Variants in ITGB3 observed in about 807,000 individuals in gnomAD.
ITGB3 encodes integrin subunit beta 3, also known as integrin beta-3.
Under a neutral mutation model 85.8 loss-of-function variants are expected in ITGB3, and 48 were observed. The ratio of observed to expected loss-of-function variants is 0.56; its 90% CI spans 0.44 to 0.71. ITGB3 has a LOEUF of 0.71. ITGB3 is among the 30% of genes least tolerant of loss of function. The pLI is 0.00. For synonymous variants in ITGB3, 363 were observed against 395.6 expected (o/e 0.92, Z 0.98); for missense variants, 861 against 1,019.1 (o/e 0.84, Z 2.11).
chr17:47,292,187 G>GAGA lies in ITGB3; in HGVS notation c.1312_1314dup (p.Lys438dup). ...GGTGCGAGGCTGTCCCCAGGAGAAG[G>GAGA]AGAAGTCCTTTACCATAAAGCCCGT... On this transcript the variant is annotated inframe_insertion, in exon 10 of 15. Transcript: ENST00000559488. 1 of 1,614,202 alleles carries GAGA rather than the reference G, an allele frequency of 6.2e-7. No homozygotes were observed. Among genetic ancestry groups the GAGA allele is most frequent in the African/African-American group, 1.3e-5 (1 of 75,054 alleles).
chr17:47,287,678 G>GT (rs900678067), intron 6 of ITGB3, among the ~76,000 whole-genome samples: 5 of 152,204 alleles, frequency 3.3e-5, no homozygotes, highest in African/African-American at 1.2e-4. Flanking sequence ...GGAGGCTGAG[G>GT]TGGGAGGATC....
intron 2 of ITGB3, among the ~76,000 whole-genome samples, chr17:47,280,362 T>C (rs1270351905): frequency 6.6e-6 from 1 of 152,048 alleles, no homozygotes; most frequent in Admixed American, 6.6e-5. Context: ...TTTTTTGTTT[T>C]TGTTTTTGTT....
intron 4 of ITGB3, among the ~76,000 whole-genome samples, chr17:47,285,954 T>C (rs934595530): frequency 2.0e-4 from 30 of 152,194 alleles, no homozygotes; most frequent in Admixed American, 3.9e-4. Context: ...CCCTCTTTCA[T>C]AGGTTGGATT....
Position 47,312,903 on chromosome 17 carries a change from T to A in ITGB3, c.*2699T>A, listed in dbSNP as rs1010671036. 6.7e-6 allele frequency among the ~76,000 whole-genome samples: 1 copy of A among 149,162 alleles called. No homozygotes were observed. The highest frequency in any genetic ancestry group is 1.5e-5 in the Non-Finnish European group (1 of 68,010). ...GATCTGTGGACAATAACGGAAAACT[T>A]TGAATATTCCTGACAAGTTGCCATA... On this transcript the variant is annotated 3_prime_UTR_variant, in exon 15 of 15. Transcript: ENST00000559488.
chr17:47,277,050 A>C (rs1248421578), intron 2 of ITGB3, among the ~76,000 whole-genome samples: 1 of 152,138 alleles, frequency 6.6e-6, no homozygotes, highest in African/African-American at 2.4e-5. Context: ...GGGTAAGAGG[A>C]AAACAGCCAA....
intron 12 of ITGB3, among the ~76,000 whole-genome samples, chr17:47,302,409 T>C (rs763332761): frequency 2.0e-5 from 3 of 152,154 alleles, no homozygotes; most frequent in Non-Finnish European, 4.4e-5. Context: ...TCAGGTAACT[T>C]ACCCAAGATC....
chr17:47,300,503 G>T lies in ITGB3; in HGVS notation c.1939G>T (p.Asp647Tyr). Residue 647 changes from aspartate (D) to tyrosine (Y), a missense_variant, in exon 12 of 15, where the codon GAC becomes TAC. By Grantham distance (160) the Asp-to-Tyr change is radical. Transcript: ENST00000559488. ...AGAATGTGTGGAGTGTAAGAAGTTTGACCGGGGAGCCCTACATGACGAAAA... is the reference window on the plus strand; with the variant it reads ...AGAATGTGTGGAGTGTAAGAAGTTTTACCGGGGAGCCCTACATGACGAAAA... Reference protein sequence around the residue: ...KKECVECKKFDRGALHDENTC... With the variant: ...KKECVECKKFYRGALHDENTC... The T allele has an allele frequency of 1.2e-6, 2 of 1,614,048 alleles. No individual in the cohort carries two copies. The highest frequency in any genetic ancestry group is 1.1e-5 in the South Asian group (1 of 91,062).
At chr17:47,277,134 G>A (rs1233400079) in intron 2 of ITGB3, among the ~76,000 whole-genome samples, 1 of 152,114 alleles carries the variant, frequency 6.6e-6, no homozygotes, top group Non-Finnish European at 1.5e-5. Context: ...GACGCGGGTT[G>A]GGTTGCTGTG....
intron 2 of ITGB3, among the ~76,000 whole-genome samples, chr17:47,281,278 G>C (rs1418244695): frequency 6.6e-6 from 1 of 152,186 alleles, no homozygotes; most frequent in African/African-American, 2.4e-5. Context: ...GTTGAGGAGA[G>C]CCCGAAGGCC....
chr17:47,263,475 G>GCC (rs113192717), intron 1 of ITGB3, among the ~76,000 whole-genome samples: 4 of 85,444 alleles, frequency 4.7e-5, no homozygotes, highest in Admixed American at 1.2e-4. Flanking sequence ...GCTATTCCCC[G>GCC]CCCCCCCCAC....
At chr17:47,265,568 A>G (rs768041923) in intron 1 of ITGB3, among the ~76,000 whole-genome samples, 10 of 152,068 alleles carry the variant, frequency 6.6e-5, no homozygotes, top group Admixed American at 3.9e-4. Flanking sequence ...TCTCATAAGG[A>G]CATCAGTCAT....
chr17:47,287,118 A>G lies in ITGB3; in HGVS notation c.826A>G (p.Thr276Ala). Reference protein sequence around the residue: ...NDASHLLVFTTDAKTHIALDG... With the variant: ...NDASHLLVFTADAKTHIALDG... ...TGCATCCCACTTGCTGGTGTTTACC[A>G]CTGATGCCAAGACTCATATAGCATT... Residue 276 changes from threonine to alanine, a missense_variant, in exon 6 of 15, where the codon ACT (threonine) becomes GCT (alanine). Physicochemically the swap from Thr to Ala is moderately conservative, Grantham distance 58. Transcript: ENST00000559488. The G allele has an allele frequency of 6.2e-7, 1 of 1,614,064 alleles. No homozygotes were observed. The highest frequency in any genetic ancestry group is 1.7e-5 in the Admixed American group (1 of 60,032).
In ITGB3 at chr17:47,257,589, A is replaced by T. The variant is rs149497984; in HGVS notation, c.79+3649A>T. On this transcript the variant is annotated intron_variant, in intron 1 of 14. Coordinates refer to ENST00000559488, the MANE Select transcript of ITGB3 (RefSeq NM_000212.3). Reference sequence around the variant, plus strand: ...TGATGTGCCTCCCTTTAAGAAACCCAATATTTGAATATTTGCACTCATTCA... The same window carrying T: ...TGATGTGCCTCCCTTTAAGAAACCCTATATTTGAATATTTGCACTCATTCA... Among the ~76,000 whole-genome samples, 15 of 152,310 alleles carry T rather than the reference A, an allele frequency of 9.8e-5. No homozygotes were observed. In the East Asian group the frequency reaches 2.5e-3, roughly 25 times the overall value.
intron 1 of ITGB3, among the ~76,000 whole-genome samples, chr17:47,263,766 A>T (rs1427145203): frequency 6.6e-6 from 1 of 152,174 alleles, no homozygotes; most frequent in Non-Finnish European, 1.5e-5. Flanking sequence ...CTCAGATTAC[A>T]GTGTTAGCCA....
Position 47,307,540 on chromosome 17 carries a change from T to C in ITGB3, c.2204T>C (p.Leu735Pro), listed in dbSNP as rs1246078600. Residue 735 changes from leucine (L) to proline (P), a missense_variant, in exon 14 of 15, where the codon CTT becomes CCT. Coordinates refer to ENST00000559488, the MANE Select transcript of ITGB3 (RefSeq NM_000212.3). ...ATGGGGGCCATTCTGCTCATTGGCC[T>C]TGCCGCCCTGCTCATCTGGAAACTC... ...SVMGAILLIG[L>P]AALLIWKLLI... 2 of 1,614,152 alleles carry C rather than the reference T, an allele frequency of 1.2e-6. No individual in the cohort carries two copies. The highest frequency in any genetic ancestry group is 1.7e-5 in the Admixed American group (1 of 60,026).
chr17:47,255,686 C>G (rs1046842217), intron 1 of ITGB3, among the ~76,000 whole-genome samples: 13 of 152,174 alleles, frequency 8.5e-5, no homozygotes, highest in African/African-American at 3.1e-4. Context: ...TCCCAAAGTG[C>G]TGGGATTACA....
intron 13 of ITGB3, among the ~76,000 whole-genome samples, chr17:47,307,086 T>C (rs542213132): frequency 1.3e-5 from 2 of 152,206 alleles, no homozygotes; most frequent in Non-Finnish European, 2.9e-5. Context: ...GTACCTATTA[T>C]TTCATCACCC....
At chr17:47,281,509 AG>A (rs1304755660) in intron 2 of ITGB3, among the ~76,000 whole-genome samples, 2 of 152,230 alleles carry the variant, frequency 1.3e-5, no homozygotes, top group East Asian at 3.8e-4. Context: ...AGTCAGTGGC[AG>A]GCCTAGGATT....
chr17:47,291,455 G>A (rs1450855874), intron 9 of ITGB3: 11 of 458,566 alleles, frequency 2.4e-5, no homozygotes, highest in Non-Finnish European at 3.8e-5. Context: ...TTTGTAAAAC[G>A]ACACAAGAAA....
Sources: gnomAD v4.1 joint callset for allele counts (sites outside exome capture counted in the v4.1 genomes callset) on GRCh38, gnomAD v4.1.1 for gene constraint, MANE v1.5 for transcripts, NCBI Gene and HGNC (gene_info 2026-07-23, HGNC 2026-07-21) for gene names.